The following ATP8B4 variants were observed in gnomAD, a reference collection of about 807,000 sequenced individuals.
ATP8B4 encodes the protein ATPase phospholipid transporting 8B4 (putative).
Under a neutral mutation model 145.6 loss-of-function variants are expected in ATP8B4, and 133 were observed. The ratio of observed to expected loss-of-function variants is 0.91; its 90% CI spans 0.79 to 1.05. The LOEUF (loss-of-function observed/expected upper bound fraction) is 1.05, where lower values mean the gene tolerates loss of function less well. Among genes scored for constraint, ATP8B4 ranks in the 50% least tolerant of loss-of-function variants. The pLI, the probability that ATP8B4 is intolerant of heterozygous loss-of-function variation, is 0.00. For missense variants in ATP8B4, 1,458 were observed against 1,425.2 expected (o/e 1.02, Z -0.37); for synonymous variants, 507 against 492.9 (o/e 1.03, Z -0.38).
intron 13 of ATP8B4, 133 bp downstream of exon 13, chr15:49,972,446 ATGG>A: frequency 2.3e-5 from 16 of 709,038 alleles, no homozygotes; most frequent in Non-Finnish European, 3.7e-5. Flanking sequence ...CAGCATCTAT[ATGG>A]TAGATGCTGA....
intron 2 of ATP8B4, among the ~76,000 whole-genome samples, chr15:50,081,681 C>T (rs760951253): frequency 6.6e-6 from 1 of 152,174 alleles, no homozygotes; most frequent in Non-Finnish European, 1.5e-5. Context: ...AGGTAGTGAA[C>T]GCATGAGGTC....
chr15:49,876,549 G>A (rs769971615), intron 24 of ATP8B4, 26 bp from the exon 25 acceptor site: 1 of 1,613,286 alleles, frequency 6.2e-7, no homozygotes, highest in Non-Finnish European at 8.5e-7. Context: ...AATTTCAGTG[G>A]AGAAGGATTA....
intron 1 of ATP8B4, among the ~76,000 whole-genome samples, chr15:50,111,986 G>T (rs1299132748): frequency 6.6e-6 from 1 of 152,120 alleles, no homozygotes; most frequent in Non-Finnish European, 1.5e-5. Context: ...TGAGCAAATT[G>T]TGAGACCTGG....
intron 20 of ATP8B4, among the ~76,000 whole-genome samples, chr15:49,910,210 AT>A (rs2039086917): frequency 2.0e-5 from 3 of 152,178 alleles, no homozygotes; most frequent in Admixed American, 1.3e-4. Context: ...AAATAAAAAA[AT>A]ATATTTGAGA....
At chr15:49,972,199 C>T (rs1032176094) in intron 13 of ATP8B4, among the ~76,000 whole-genome samples, 2 of 152,046 alleles carry the variant, frequency 1.3e-5, no homozygotes, top group African/African-American at 4.8e-5. Flanking sequence ...TACAGCAAAC[C>T]ACCATGGTAC....
intron 1 of ATP8B4, among the ~76,000 whole-genome samples, chr15:50,156,769 G>A (rs1450701319): frequency 1.3e-5 from 2 of 152,108 alleles, no homozygotes; most frequent in African/African-American, 4.8e-5. Context: ...AGAAAACCTT[G>A]GCATGACTTA....
intron 1 of ATP8B4, among the ~76,000 whole-genome samples, chr15:50,131,681 T>C (rs1486304105): frequency 6.6e-6 from 1 of 151,270 alleles, no homozygotes; most frequent in East Asian, 1.9e-4. Flanking sequence ...TAAGCATTGA[T>C]ATACTTCAAA....
intron 7 of ATP8B4, among the ~76,000 whole-genome samples, chr15:50,005,038 G>A (rs1007430690): frequency 3.3e-5 from 5 of 152,120 alleles, no homozygotes; most frequent in African/African-American, 9.7e-5. Flanking sequence ...AAGGAAAAGC[G>A]TGAATATCCA....
In ATP8B4 at chr15:50,045,702, T is replaced by C. The variant is rs565603048; in HGVS notation, c.202-1010A>G. On this transcript the variant is annotated intron_variant, in intron 4 of 27. Transcript: ENST00000284509. ...GTCCTAGTTCATCATCAACTCATGGTGAAAGCTTTACCACCTAATCTCTCT... is the reference window on the plus strand; with the variant it reads ...GTCCTAGTTCATCATCAACTCATGGCGAAAGCTTTACCACCTAATCTCTCT... 8.5e-5 allele frequency among the ~76,000 whole-genome samples: 13 copies of C among 152,338 alleles called. 1 individual carries two copies. In the South Asian group the frequency reaches 2.7e-3, roughly 32 times the overall value.
At chr15:50,001,852 A>G (rs2047917509) in intron 8 of ATP8B4, among the ~76,000 whole-genome samples, 2 of 152,128 alleles carry the variant, frequency 1.3e-5, no homozygotes, top group South Asian at 4.1e-4. Flanking sequence ...CATTTTCCCT[A>G]TAAAATCACT....
chr15:50,104,615 A>C (rs1045501134), intron 2 of ATP8B4, among the ~76,000 whole-genome samples: 4 of 152,170 alleles, frequency 2.6e-5, no homozygotes, highest in Non-Finnish European at 5.9e-5. Flanking sequence ...ATATGTTTAC[A>C]CTGTTGGTGG....
At chr15:50,034,075 A>G (rs1184091082) in intron 6 of ATP8B4, among the ~76,000 whole-genome samples, 1 of 152,108 alleles carries the variant, frequency 6.6e-6, no homozygotes, top group Admixed American at 6.5e-5. Context: ...CTGGGTGTAT[A>G]TCCAGTAATG....
Position 50,074,150 on chromosome 15 carries a change from A to T in ATP8B4, c.64T>A (p.Tyr22Asn). 1 of 1,613,196 alleles carries T rather than the reference A, an allele frequency of 6.2e-7. No homozygotes were observed. The highest frequency in any genetic ancestry group is 8.5e-7 in the Non-Finnish European group (1 of 1,179,424). The change falls in exon 3 of 28, where the codon TAT becomes AAT. Residue 22 changes from tyrosine (Y) to asparagine (N), a missense_variant. Physicochemically the swap from Tyr to Asn is moderately radical, Grantham distance 143. Transcript: ENST00000284509. ...ERIVKANDREYNEKFQYADNR... is the reference protein window; with the variant it reads ...ERIVKANDRENNEKFQYADNR... ...ACCGCATACTGGAACTTTTCATTAT[A>T]TTCACGGTCATTGGCTTTCACTATC...
intron 3 of ATP8B4, among the ~76,000 whole-genome samples, chr15:50,057,439 G>A (rs28578696): frequency 0.013 from 2,035 of 152,302 alleles, 49 homozygotes; most frequent in African/African-American, 0.047. Flanking sequence ...AAACTAGGAA[G>A]TCTCTAGACT....
At chr15:49,961,296 AAC>A (rs1184249535) in intron 14 of ATP8B4, among the ~76,000 whole-genome samples, 1 of 152,220 alleles carries the variant, frequency 6.6e-6, no homozygotes, top group Non-Finnish European at 1.5e-5. Context: ...ACTTTGATAA[AAC>A]ATTGTGTTGG....
chr15:49,868,987 C>T (rs1037465602), intron 25 of ATP8B4, among the ~76,000 whole-genome samples: 2 of 152,066 alleles, frequency 1.3e-5, no homozygotes, highest in Non-Finnish European at 2.9e-5. Flanking sequence ...TGGCTCATGG[C>T]GACCTCTGCC....
chr15:49,920,970 G>C (rs1270615583), intron 17 of ATP8B4, among the ~76,000 whole-genome samples: 1 of 152,112 alleles, frequency 6.6e-6, no homozygotes, highest in Non-Finnish European at 1.5e-5. Context: ...TTTTGCATAT[G>C]CTTGAAAATT....
chr15:49,952,331 C>T (rs2043176412), intron 14 of ATP8B4, among the ~76,000 whole-genome samples: 1 of 152,156 alleles, frequency 6.6e-6, no homozygotes, highest in Non-Finnish European at 1.5e-5. Context: ...TCTGGTCCTC[C>T]AATCAATCAT....
chr15:49,976,530 C>G (rs752933479), intron 12 of ATP8B4, among the ~76,000 whole-genome samples: 5 of 151,958 alleles, frequency 3.3e-5, no homozygotes, highest in Non-Finnish European at 5.9e-5. Context: ...TTTGGGAAAG[C>G]CAGTGCAGAA....
Sources: allele counts gnomAD v4.1 joint callset (sites outside exome capture counted in the v4.1 genomes callset), GRCh38; gene constraint gnomAD v4.1.1; transcripts MANE v1.5; gene names NCBI Gene and HGNC (gene_info 2026-07-23, HGNC 2026-07-21).